ATP2B1: variants seen among roughly 807,000 people sequenced by gnomAD.
ATP2B1 encodes the protein plasma membrane calcium-transporting ATPase 1.
A neutral mutation model predicts 124.2 loss-of-function variants in ATP2B1; 14 were observed. The ratio of observed to expected loss-of-function variants is 0.11; its 90% CI spans 0.07 to 0.18. The LOEUF (loss-of-function observed/expected upper bound fraction) is 0.18. ATP2B1 is among the 10% of genes least tolerant of loss of function. ATP2B1 has a pLI of 1.00. For synonymous variants in ATP2B1, 449 were observed against 492.4 expected, an observed-to-expected ratio of 0.91 and a Z score of 1.17; for missense variants, 763 against 1,466.1, an observed-to-expected ratio of 0.52 and a Z score of 7.83.
intron 1 of ATP2B1, among the ~76,000 whole-genome samples, chr12:89,695,058 C>CAA (rs544087541): frequency 3.6e-5 from 4 of 111,214 alleles, no homozygotes; most frequent in Admixed American, 1.0e-4. Flanking sequence ...GATGCTGTTT[C>CAA]AAAAAAAAAA....
At position 89,621,552 on chromosome 12, in the gene ATP2B1, T is replaced by C. The variant is rs754639801; in HGVS notation, c.1584A>G (p.Ile528Met). The C allele has an allele frequency of 6.5e-7, 1 of 1,542,114 alleles. No individual in the cohort carries two copies. Among genetic ancestry groups the C allele is most frequent in the Non-Finnish European group, 8.8e-7 (1 of 1,135,022 alleles). The change falls in exon 10 of 21, where the codon ATA becomes ATG. Residue 528 changes from isoleucine to methionine, a missense_variant. Coordinates refer to ENST00000428670, the MANE Select transcript of ATP2B1 (RefSeq NM_001366521.1). ...ISVNCAYTSK[I>M]LPPEKEGGLP... ...TAAATTATTTCAAAAACCTTACCAA[T>C]ATTTTTGATGTATAAGCACAATTCA...
At chr12:89,627,789 G>T in intron 6 of ATP2B1, 73 bp from the exon 7 acceptor site, 1 of 1,474,246 alleles carries the variant, frequency 6.8e-7, no homozygotes, top group Non-Finnish European at 9.5e-7. Flanking sequence ...TGCAGAAGTA[G>T]TTCACATTTC....
At chr12:89,669,396 AT>A (rs1323219546) in intron 1 of ATP2B1, among the ~76,000 whole-genome samples, 1 of 152,110 alleles carries the variant, frequency 6.6e-6, no homozygotes, top group Admixed American at 6.6e-5. Flanking sequence ...AGAAGCAAAG[AT>A]TTTTTTCAGC....
chr12:89,689,884 T>C (rs1890363296), intron 1 of ATP2B1, among the ~76,000 whole-genome samples: 1 of 152,156 alleles, frequency 6.6e-6, no homozygotes, highest in South Asian at 2.1e-4. Context: ...AATGTCATTG[T>C]AGGATACTGT....
intron 2 of ATP2B1, among the ~76,000 whole-genome samples, chr12:89,643,115 CGT>C (rs1883860692): frequency 1.4e-5 from 2 of 143,682 alleles, no homozygotes; most frequent in Admixed American, 6.9e-5. Context: ...TATATATATA[CGT>C]ATATACACGT....
chr12:89,591,574 G>GA, intron 20 of ATP2B1, among the ~76,000 whole-genome samples: 1 of 152,042 alleles, frequency 6.6e-6, no homozygotes, highest in South Asian at 2.1e-4. Context: ...CATTTTATAG[G>GA]ATTTTTTCCC....
chr12:89,651,848 C>T (rs1055553737), intron 2 of ATP2B1, among the ~76,000 whole-genome samples: 5 of 152,156 alleles, frequency 3.3e-5, no homozygotes, highest in Admixed American at 1.3e-4. Context: ...ACTTTTTTGT[C>T]CTGAGGGTTC....
chr12:89,622,306 T>TA (rs1270203666), intron 9 of ATP2B1, among the ~76,000 whole-genome samples: 3 of 151,668 alleles, frequency 2.0e-5, no homozygotes, highest in East Asian at 1.9e-4. Context: ...TTGATTTTTT[T>TA]TTATTATTAA....
chr12:89,654,360 T>G (rs950133230), intron 2 of ATP2B1, among the ~76,000 whole-genome samples: 6 of 152,236 alleles, frequency 3.9e-5, no homozygotes, highest in African/African-American at 1.4e-4. Flanking sequence ...GGATCAATCT[T>G]GTAGTAATCA....
chr12:89,669,482 C>T (rs551735587), intron 1 of ATP2B1, among the ~76,000 whole-genome samples: 2 of 152,166 alleles, frequency 1.3e-5, no homozygotes, highest in African/African-American at 2.4e-5. Context: ...TAGATTTCCT[C>T]CCAGCACTTT....
At chr12:89,636,981 A>G (rs1215375545) in intron 3 of ATP2B1, among the ~76,000 whole-genome samples, 1 of 152,222 alleles carries the variant, frequency 6.6e-6, no homozygotes, top group Non-Finnish European at 1.5e-5. Context: ...CCCTCTAGCC[A>G]GAAGACAGGA....
At chr12:89,622,955 T>C (rs1233756416) in intron 9 of ATP2B1, among the ~76,000 whole-genome samples, 1 of 152,188 alleles carries the variant, frequency 6.6e-6, no homozygotes, top group Non-Finnish European at 1.5e-5. Flanking sequence ...GGCAGTTCGG[T>C]AAAATGACTG....
chr12:89,670,113 C>G (rs2136507446), intron 1 of ATP2B1, among the ~76,000 whole-genome samples: 1 of 152,154 alleles, frequency 6.6e-6, no homozygotes, highest in South Asian at 2.1e-4. Context: ...TTGGAAAACT[C>G]TTTGTGACAC....
Position 89,588,414 on chromosome 12 carries a change from A to T in ATP2B1, c.*2570T>A, listed in dbSNP as rs890445399. ...CAATGATGAGGAGAAAAGGATTTTT[A>T]AAAAATATACAAAGATTAAAAACAT... On this transcript the variant is annotated 3_prime_UTR_variant, in exon 21 of 21. Coordinates refer to ENST00000428670, the MANE Select transcript of ATP2B1 (RefSeq NM_001366521.1). The T allele has an allele frequency of 5.2e-5, 8 of 152,608 alleles. 1 individual carries two copies. The highest frequency in any genetic ancestry group is 3.3e-4 in the Admixed American group (5 of 15,266). The allele number at this position is 152,608 out of a possible 1,614,324, so 9.5% of individuals were successfully genotyped here.
At chr12:89,598,866 G>C (rs568933475) in intron 20 of ATP2B1, 26 of 1,253,946 alleles carry the variant, frequency 2.1e-5, no homozygotes, top group African/African-American at 3.0e-5. Flanking sequence ...ATATAGGCAA[G>C]AATAGCATTT....
intron 15 of ATP2B1, among the ~76,000 whole-genome samples, chr12:89,606,572 CT>C (rs11390166): frequency 1.3e-4 from 17 of 129,064 alleles, no homozygotes; most frequent in Non-Finnish European, 1.4e-4. Context: ...TAATGTCCCA[CT>C]TTTTTTTTTT....
chr12:89,673,084 T>G (rs74960367), intron 1 of ATP2B1, among the ~76,000 whole-genome samples: 2,474 of 152,300 alleles, frequency 0.016, 32 homozygotes, highest in Non-Finnish European at 0.025. Flanking sequence ...TATTAAGAAC[T>G]TCCAAATTCC....
intron 7 of ATP2B1, among the ~76,000 whole-genome samples, chr12:89,627,452 C>T (rs1303150673): frequency 1.3e-5 from 2 of 151,050 alleles, no homozygotes; most frequent in Non-Finnish European, 2.9e-5. Context: ...CCAAGCATTT[C>T]GGATAAGGGA....
intron 1 of ATP2B1, among the ~76,000 whole-genome samples, chr12:89,691,070 A>G (rs1171987319): frequency 6.6e-6 from 1 of 152,110 alleles, no homozygotes; most frequent in Non-Finnish European, 1.5e-5. Flanking sequence ...GAGAGGCTCA[A>G]CTGTGTACAG....
Sources: allele counts gnomAD v4.1 joint callset (sites outside exome capture counted in the v4.1 genomes callset), GRCh38; gene constraint gnomAD v4.1.1; transcripts MANE v1.5; gene names NCBI Gene and HGNC (gene_info 2026-07-23, HGNC 2026-07-21).